NSD1: variants seen among roughly 807,000 people sequenced by gnomAD.
NSD1 encodes the protein histone-lysine N-methyltransferase, H3 lysine-36 specific.
Under a neutral mutation model 242.7 loss-of-function variants are expected in NSD1, and 26 were observed. The observed-to-expected ratio is 0.11, with a 90% confidence interval of 0.08 to 0.15. The LOEUF (loss-of-function observed/expected upper bound fraction) is 0.15, where lower values mean the gene tolerates loss of function less well. Ranked by LOEUF, NSD1 falls within the 10% of genes least tolerant of loss-of-function variation. The pLI, the probability that NSD1 is intolerant of heterozygous loss-of-function variation, is 1.00. For synonymous variants in NSD1, 1,106 were observed against 1,178.1 expected, an observed-to-expected ratio of 0.94 and a Z score of 1.25; for missense variants, 2,495 against 3,272.8, an observed-to-expected ratio of 0.76 and a Z score of 5.80.
intron 2 of NSD1, among the ~76,000 whole-genome samples, chr5:177,141,588 T>C (rs1756830189): frequency 6.6e-6 from 1 of 151,792 alleles, no homozygotes; most frequent in Non-Finnish European, 1.5e-5. Flanking sequence ...CTTCAGTCTT[T>C]CAAAGTGCTG....
rs1409398427 is a variant in NSD1 at position 177,294,063 on chromosome 5, C to T, written c.6695C>T (p.Pro2232Leu). The T allele has an allele frequency of 6.2e-7, 1 of 1,614,084 alleles. No homozygotes were observed. The change falls in exon 23 of 23, where the codon CCA becomes CTA. Residue 2232 changes from proline to leucine, a missense_variant. By Grantham distance (98) the Pro-to-Leu change is moderately conservative. This residue lies in a region of NSD1 where 475 missense variants were observed against 563.7 expected (regional missense o/e 0.84). Coordinates refer to ENST00000439151, the MANE Select transcript of NSD1 (RefSeq NM_022455.5). ...CCCCCAGTACCGCTGCCTCCAGGGCCAAGCACTCACCTGGCAGAGCAATCA... is the reference window on the plus strand; with the variant it reads ...CCCCCAGTACCGCTGCCTCCAGGGCTAAGCACTCACCTGGCAGAGCAATCA... ...VPPPVPLPPGPSTHLAEQSTG... is the reference protein window; with the variant it reads ...VPPPVPLPPGLSTHLAEQSTG...
At chr5:177,279,961 ATATTTTATTTTATTT>A (rs571980602) in intron 17 of NSD1, among the ~76,000 whole-genome samples, 32,876 of 139,822 alleles carry the variant, frequency 0.24, 4,988 homozygotes, top group Middle Eastern at 0.33. Context: ...TTTAAAGTTC[ATATTTTATTTTATTT>A]TATTTTATTT....
rs1344340007 is a variant in NSD1 at position 177,283,789 on chromosome 5, C to T, written c.6012C>T (p.Asp2004=). The change falls in exon 20 of 23, where the codon GAC becomes GAT. Residue 2004 remains aspartate (D), a splice_region_variant and synonymous_variant. Transcript: ENST00000439151. ...TNFYMLTLDK[D]RIIDAGPKGN... is the part of the protein sequence containing the mutation. Reference sequence around the variant, plus strand: ...TGTAGCTTCTTTTGGAATTCTAGGACCGAATCATTGATGCTGGTCCCAAAG... The same window carrying T: ...TGTAGCTTCTTTTGGAATTCTAGGATCGAATCATTGATGCTGGTCCCAAAG... The T allele has an allele frequency of 1.2e-6, 2 of 1,614,114 alleles. No individual in the cohort carries two copies. The highest frequency in any genetic ancestry group is 2.2e-5 in the East Asian group (1 of 44,876).
rs564254780 is a variant in NSD1 at position 177,167,422 on chromosome 5, C to T, written c.928-24462C>T. On this transcript the variant is annotated intron_variant, in intron 2 of 22. Coordinates refer to ENST00000439151, the MANE Select transcript of NSD1 (RefSeq NM_022455.5). Reference sequence around the variant, plus strand: ...TGGTGGCGCATGCCTGTAATCCCAGCTACTTGGGAGGCTGAGGCAGGAGAA... The same window carrying T: ...TGGTGGCGCATGCCTGTAATCCCAGTTACTTGGGAGGCTGAGGCAGGAGAA... Among the ~76,000 whole-genome samples the T allele has an allele frequency of 1.2e-4, 19 of 152,182 alleles. 1 individual carries two copies. In the South Asian group the frequency reaches 3.9e-3, roughly 32 times the overall value.
chr5:177,270,684 T>C (rs1288604473), intron 16 of NSD1, among the ~76,000 whole-genome samples: 2 of 152,182 alleles, frequency 1.3e-5, no homozygotes, highest in Admixed American at 6.5e-5. Context: ...TAAGACTTTG[T>C]CTATAGGGTG....
Position 177,210,912 on chromosome 5 carries a change from T to C in NSD1, c.2513T>C (p.Leu838Pro). 6.2e-7 allele frequency: 1 copy of C among 1,614,142 alleles called. No individual in the cohort carries two copies. Among genetic ancestry groups the C allele is most frequent in the South Asian group, 1.1e-5 (1 of 91,086 alleles). ...AGTGGGAAAGTGGATGGTCTAAAACTACTGAACAATATGCATGAGAAAACC... is the reference window on the plus strand; with the variant it reads ...AGTGGGAAAGTGGATGGTCTAAAACCACTGAACAATATGCATGAGAAAACC... ...SKSGKVDGLK[L>P]LNNMHEKTRD... The change falls in exon 5 of 23, where the codon CTA becomes CCA. Residue 838 changes from leucine to proline, a missense_variant. Coordinates refer to ENST00000439151, the MANE Select transcript of NSD1 (RefSeq NM_022455.5).
intron 14 of NSD1, chr5:177,266,152 G>A: frequency 9.2e-7 from 1 of 1,091,400 alleles, no homozygotes; most frequent in Middle Eastern, 2.1e-4. Flanking sequence ...ACTTGTCCGG[G>A]CATAGAGCAC....
chr5:177,248,760 T>C (rs1433182412), intron 11 of NSD1, among the ~76,000 whole-genome samples: 1 of 152,200 alleles, frequency 6.6e-6, no homozygotes, highest in Non-Finnish European at 1.5e-5. Flanking sequence ...TTAATAAATA[T>C]TTGTAGAGTA....
chr5:177,170,716 C>T (rs1309130345), intron 2 of NSD1, among the ~76,000 whole-genome samples: 1 of 152,062 alleles, frequency 6.6e-6, no homozygotes, highest in African/African-American at 2.4e-5. Flanking sequence ...TGGAAGTGTA[C>T]AATTCAGTGC....
At chr5:177,217,812 C>T (rs555504265) in intron 5 of NSD1, among the ~76,000 whole-genome samples, 75 of 151,738 alleles carry the variant, frequency 4.9e-4, no homozygotes, top group African/African-American at 1.7e-3. Flanking sequence ...GGATTACAGG[C>T]GCCTGACACC....
intron 5 of NSD1, among the ~76,000 whole-genome samples, chr5:177,229,029 C>A (rs1298521694): frequency 6.6e-6 from 1 of 151,878 alleles, no homozygotes; most frequent in Non-Finnish European, 1.5e-5. Flanking sequence ...TGGAATCATG[C>A]AATATGTGAT....
chr5:177,155,744 T>C (rs956578494), intron 2 of NSD1, among the ~76,000 whole-genome samples: 1 of 152,092 alleles, frequency 6.6e-6, no homozygotes, highest in African/African-American at 2.4e-5. Context: ...TAGAGTGCAA[T>C]GACACAATCT....
At chr5:177,264,027 AATTTT>A (rs1757204118) in intron 14 of NSD1, among the ~76,000 whole-genome samples, 1 of 72,050 alleles carries the variant, frequency 1.4e-5, no homozygotes, top group Non-Finnish European at 2.8e-5. Flanking sequence ...TCAATGAACC[AATTTT>A]TTTTTTTTTT....
chr5:177,182,009 A>G (rs924038502), intron 2 of NSD1, among the ~76,000 whole-genome samples: 3 of 152,080 alleles, frequency 2.0e-5, no homozygotes, highest in African/African-American at 7.2e-5. Context: ...AAAATTAGCC[A>G]GGCATGGTGG....
intron 8 of NSD1, 26 bp from the exon 9 acceptor site, chr5:177,244,169 A>G: frequency 6.5e-7 from 1 of 1,529,200 alleles, no homozygotes; most frequent in African/African-American, 1.4e-5. Context: ...TCCTCTGTAA[A>G]TGGTGTTGTT....
At chr5:177,180,704 A>T (rs1296511260) in intron 2 of NSD1, among the ~76,000 whole-genome samples, 3 of 151,596 alleles carry the variant, frequency 2.0e-5, no homozygotes, top group African/African-American at 2.4e-5. Context: ...TTATTTTGAG[A>T]TGGAGTCTCG....
At chr5:177,189,299 A>G (rs1328316824) in intron 2 of NSD1, among the ~76,000 whole-genome samples, 1 of 152,144 alleles carries the variant, frequency 6.6e-6, no homozygotes, top group African/African-American at 2.4e-5. Flanking sequence ...GAGAGGATTT[A>G]TTACTACTTT....
intron 2 of NSD1, among the ~76,000 whole-genome samples, chr5:177,145,323 G>A (rs1757150399): frequency 6.8e-6 from 1 of 146,690 alleles, no homozygotes; most frequent in African/African-American, 2.5e-5. Context: ...CTGTTGCTCA[G>A]GCTGGAGTCT....
chr5:177,279,572 A>G (rs1266019233), intron 17 of NSD1, among the ~76,000 whole-genome samples: 1 of 150,294 alleles, frequency 6.7e-6, no homozygotes, highest in African/African-American at 2.5e-5. Context: ...AATAGCAGAA[A>G]CCTAGTTTAT....
Sources: allele counts gnomAD v4.1 joint callset (sites outside exome capture counted in the v4.1 genomes callset), GRCh38; gene constraint gnomAD v4.1.1; regional missense constraint gnomAD v4.1.1; transcripts MANE v1.5; gene names NCBI Gene and HGNC (gene_info 2026-07-23, HGNC 2026-07-21).